Variants in PCDHGB6 observed in about 807,000 individuals in gnomAD.
PCDHGB6 encodes the protein protocadherin gamma subfamily B, 6.
A neutral mutation model predicts 59.1 loss-of-function variants in PCDHGB6; 51 were observed. The observed-to-expected ratio is 0.86, with a 90% confidence interval of 0.69 to 1.09. The LOEUF (loss-of-function observed/expected upper bound fraction) is 1.09, where lower values mean the gene tolerates loss of function less well. Among genes scored for constraint, PCDHGB6 ranks in the 50% least tolerant of loss-of-function variants. The probability of loss-of-function intolerance (pLI) is 0.00; values close to 1 mark genes in which losing one functional copy is unlikely to be tolerated. For synonymous variants in PCDHGB6, 466 were observed against 495.1 expected (o/e 0.94, Z 0.78); for missense variants, 1,148 against 1,205.1 (o/e 0.95, Z 0.70).
intron 1 of PCDHGB6, among the ~76,000 whole-genome samples, chr5:141,467,055 C>CTTT (rs1193465269): frequency 2.2e-5 from 3 of 134,494 alleles, no homozygotes; most frequent in Admixed American, 7.5e-5. Context: ...TCAATGTTTT[C>CTTT]TTTTTTTTTT....
At chr5:141,441,398 G>A (rs1257981333) in intron 1 of PCDHGB6, 1 of 154,848 alleles carries the variant, frequency 6.5e-6, no homozygotes, top group Non-Finnish European at 1.4e-5. Context: ...TATAACATCA[G>A]CATCACTGCC....
In PCDHGB6 at chr5:141,410,353, C is replaced by T; in HGVS notation, c.2151C>T (p.Arg717=). 3 of 1,614,078 alleles carry T rather than the reference C, an allele frequency of 1.9e-6. No homozygotes were observed. Among genetic ancestry groups the T allele is most frequent in the Non-Finnish European group, 2.5e-6 (3 of 1,179,912 alleles). The change falls in exon 1 of 4, where the codon CGC becomes CGT. Residue 717 remains arginine, a synonymous_variant. Coordinates refer to ENST00000520790, the MANE Select transcript of PCDHGB6 (RefSeq NM_018926.3). ...TGGCCATTGCCTTGCGCCTGCGACG[C>T]TCTCTCAGCCCTGCTACTTGGGACT... ...VILAIALRLR[R]SLSPATWDCF...
intron 1 of PCDHGB6, chr5:141,422,519 C>T (rs1297821851): frequency 6.2e-7 from 1 of 1,613,968 alleles, no homozygotes; most frequent in African/African-American, 1.3e-5. Context: ...CAGGGAAGCC[C>T]GCCTTTGTCT....
rs57426385 is a variant in PCDHGB6, at chr5:141,415,740, G to GTTTTTTTTTTTTT, written c.2418+5140_2418+5152dup. ...TGAGTAGAATTTGATGTTTATTAAGGTTTTTTTTTTTTTTTTTTTTTTTTT... is the reference window on the plus strand; with the variant it reads ...TGAGTAGAATTTGATGTTTATTAAGGTTTTTTTTTTTTTTTTTTTTTTTTTTTTTTTTTTTTTT... On this transcript the variant is annotated intron_variant, in intron 1 of 3. Coordinates refer to ENST00000520790, the MANE Select transcript of PCDHGB6 (RefSeq NM_018926.3). The GTTTTTTTTTTTTT allele has an allele frequency of 2.5e-4, 159 of 625,022 alleles. 3 individuals carry two copies. Among genetic ancestry groups the GTTTTTTTTTTTTT allele is most frequent in the Admixed American group, 5.7e-4 (8 of 14,124 alleles). 38.7% of individuals were successfully genotyped at this position (625,022 alleles called of 1,614,324 possible).
intron 1 of PCDHGB6, chr5:141,416,339 A>T (rs2096016775): frequency 6.6e-6 from 1 of 152,218 alleles, no homozygotes; most frequent in African/African-American, 2.4e-5. Context: ...TCATTGCTCA[A>T]TAGGGATCCT....
At chr5:141,423,427 G>T (rs2096739583) in intron 1 of PCDHGB6, 1 of 1,613,892 alleles carries the variant, frequency 6.2e-7, no homozygotes, top group Non-Finnish European at 8.5e-7. Flanking sequence ...AGGCGGGTTG[G>T]CAGGTATGCC....
chr5:141,434,440 T>C (rs1283641379), intron 1 of PCDHGB6, among the ~76,000 whole-genome samples: 2 of 152,238 alleles, frequency 1.3e-5, no homozygotes, highest in Non-Finnish European at 2.9e-5. Flanking sequence ...GTAATGCCCA[T>C]GCTGGAAGGT....
chr5:141,427,973 C>T (rs754410723), intron 1 of PCDHGB6: 3 of 1,594,054 alleles, frequency 1.9e-6, no homozygotes, highest in Non-Finnish European at 2.6e-6. Context: ...TGCTGTACCC[C>T]GCGCTGGGGC....
chr5:141,408,674 A>T lies in PCDHGB6; in HGVS notation c.472A>T (p.Thr158Ser), dbSNP rs1005052894. 5 of 1,614,000 alleles carry T rather than the reference A, an allele frequency of 3.1e-6. No homozygotes were observed. Among genetic ancestry groups the T allele is most frequent in the Non-Finnish European group, 4.2e-6 (5 of 1,179,876 alleles). Residue 158 changes from threonine (T) to serine (S), a missense_variant, in exon 1 of 4, where the codon ACG becomes TCG. Coordinates refer to ENST00000520790, the MANE Select transcript of PCDHGB6 (RefSeq NM_018926.3). ...TACACGACTATCGCTTGACCCTGCC[A>T]CGGATCCTGATATAAACATAAACTC... The part of the protein sequence containing the change: ...AGTRLSLDPA[T>S]DPDININSIK...
At position 141,459,716 on chromosome 5, in the gene PCDHGB6, C is replaced by T. The variant is rs1592633942; in HGVS notation, c.2419-35091C>T. On this transcript the variant is annotated intron_variant, in intron 1 of 3. Coordinates refer to ENST00000520790, the MANE Select transcript of PCDHGB6 (RefSeq NM_018926.3). ...CGCTTGCTACATTTTCTCACCAATG[C>T]TTCCTATTGTCAATTTTTTAAATTT... is the stretch of plus-strand genomic sequence containing the variant. Among the ~76,000 whole-genome samples the T allele has an allele frequency of 2.0e-5, 3 of 152,334 alleles. No homozygotes were observed. In the South Asian group the frequency reaches 6.2e-4, roughly 32 times the overall value.
chr5:141,484,695 G>A (rs1371166304), intron 1 of PCDHGB6, among the ~76,000 whole-genome samples: 3 of 151,920 alleles, frequency 2.0e-5, no homozygotes, highest in Non-Finnish European at 4.4e-5. Context: ...TCAGGCTGTG[G>A]CTGTTTTCCC....
chr5:141,478,758 T>C (rs1333135263), intron 1 of PCDHGB6: 2 of 1,515,540 alleles, frequency 1.3e-6, no homozygotes, highest in South Asian at 1.3e-5. Flanking sequence ...AGGGGGAAGA[T>C]ACTTGACTCA....
intron 1 of PCDHGB6, among the ~76,000 whole-genome samples, chr5:141,446,280 A>G (rs1011084291): frequency 2.6e-5 from 4 of 152,162 alleles, no homozygotes; most frequent in South Asian, 2.1e-4. Context: ...AATACAATGG[A>G]TAAATGGGGA....
At chr5:141,481,390 G>A (rs553179819) in intron 1 of PCDHGB6, among the ~76,000 whole-genome samples, 2 of 152,346 alleles carry the variant, frequency 1.3e-5, no homozygotes, top group East Asian at 3.9e-4. Context: ...TTGGAGGGAT[G>A]TGACAAAATT....
intron 1 of PCDHGB6, chr5:141,415,740 G>GTTTTTTTTTTTTTTTTTTTTTTTTTTTTT (rs57426385): frequency 8.0e-6 from 5 of 625,030 alleles, no homozygotes; most frequent in African/African-American, 2.5e-5. Flanking sequence ...GTTTATTAAG[G>GTTTTTTTTTTTTTTTTTTTTTTTTTTTTT]TTTTTTTTTT....
At chr5:141,430,680 C>G (rs990086941) in intron 1 of PCDHGB6, 8 of 1,343,124 alleles carry the variant, frequency 6.0e-6, no homozygotes, top group Non-Finnish European at 8.0e-6. Context: ...TCCCAACTGT[C>G]CCATTCTATG....
At chr5:141,449,282 G>A (rs1285842278) in intron 1 of PCDHGB6, among the ~76,000 whole-genome samples, 17 of 152,002 alleles carry the variant, frequency 1.1e-4, no homozygotes, top group Admixed American at 4.6e-4. Context: ...CCTTCACCCG[G>A]ATGCACCGGG....
rs966291038 is a variant in PCDHGB6, at chr5:141,487,740, G to A, written c.2419-7067G>A. 4 of 1,562,290 alleles carry A rather than the reference G, an allele frequency of 2.6e-6. No individual in the cohort carries two copies. The highest frequency in any genetic ancestry group is 1.7e-6 in the Non-Finnish European group (2 of 1,151,972). On this transcript the variant is annotated intron_variant, in intron 1 of 3. Transcript: ENST00000520790. The surrounding 1 kb of genome is among the most constrained non-coding windows in gnomAD (Gnocchi z 5.0). ...CATAGTGATGTCACCATTTTTGTAAGAGGTAACTATGTGGTAGACGCTGTG... is the reference window on the plus strand; with the variant it reads ...CATAGTGATGTCACCATTTTTGTAAAAGGTAACTATGTGGTAGACGCTGTG...
chr5:141,435,519 T>C (rs2097768121), intron 1 of PCDHGB6, among the ~76,000 whole-genome samples: 2 of 152,192 alleles, frequency 1.3e-5, no homozygotes, highest in South Asian at 4.1e-4. Context: ...ATGATGACTT[T>C]GTGGAATATT....
Sources: gnomAD v4.1 joint callset for allele counts (sites outside exome capture counted in the v4.1 genomes callset) on GRCh38, gnomAD v4.1.1 for gene constraint, Gnocchi (gnomAD v3.1) non-coding constraint, MANE v1.5 for transcripts, NCBI Gene and HGNC (gene_info 2026-07-23, HGNC 2026-07-21) for gene names.